LRRTM4: variants seen among roughly 807,000 people sequenced by gnomAD.
LRRTM4 encodes the protein leucine rich repeat transmembrane neuronal 4.
In LRRTM4, 25 loss-of-function variants were observed where a neutral mutation model predicts 47.6. The ratio of observed to expected loss-of-function variants is 0.53; its 90% confidence interval spans 0.38 to 0.73. The LOEUF (loss-of-function observed/expected upper bound fraction) is 0.73. Among genes scored for constraint, LRRTM4 ranks in the 30% least tolerant of loss-of-function variants. LRRTM4 has a pLI of 0.00. For synonymous variants in LRRTM4, 311 were observed against 269.5 expected, an observed-to-expected ratio of 1.15 and a Z score of -1.51; for missense variants, 638 against 713.4, an observed-to-expected ratio of 0.89 and a Z score of 1.20.
At chr2:76,930,734 A>G (rs1176703483) in intron 3 of LRRTM4, among the ~76,000 whole-genome samples, 1 of 152,208 alleles carries the variant, frequency 6.6e-6, no homozygotes, top group Non-Finnish European at 1.5e-5. Context: ...CTCACTAGAT[A>G]AAGTCATGTG....
intron 3 of LRRTM4, among the ~76,000 whole-genome samples, chr2:77,493,266 G>T (rs1360718499): frequency 6.6e-6 from 1 of 151,972 alleles, no homozygotes; most frequent in Non-Finnish European, 1.5e-5. Context: ...TATATTTAGG[G>T]AAGGATACAA....
intron 3 of LRRTM4, among the ~76,000 whole-genome samples, chr2:77,406,756 G>T (rs1369998392): frequency 6.6e-6 from 1 of 152,036 alleles, no homozygotes; most frequent in South Asian, 2.1e-4. Flanking sequence ...TGTGATGAGA[G>T]ATTACTTTCA....
Position 77,223,940 on chromosome 2 carries a change from C to T in LRRTM4, c.1551+294378G>A, listed in dbSNP as rs536062483. Among the ~76,000 whole-genome samples, 254 of 152,206 alleles carry T rather than the reference C, an allele frequency of 1.7e-3. 1 individual carries two copies. The highest frequency in any genetic ancestry group is 5.6e-3 in the African/African-American group (231 of 41,526). ...CAAAAGAACAAAGCTGGAGGCATCA[C>T]GCTACCTGACTTCAAACTATGCTAC... On this transcript the variant is annotated intron_variant, in intron 3 of 3. Transcript: ENST00000409884.
intron 3 of LRRTM4, among the ~76,000 whole-genome samples, chr2:77,343,217 T>C (rs1461635356): frequency 6.6e-6 from 1 of 151,940 alleles, no homozygotes; most frequent in Admixed American, 6.6e-5. Flanking sequence ...TAAAGATATT[T>C]TTTTCCGTAG....
At chr2:77,314,224 A>G (rs1340395846) in intron 3 of LRRTM4, among the ~76,000 whole-genome samples, 1 of 152,190 alleles carries the variant, frequency 6.6e-6, no homozygotes, top group Non-Finnish European at 1.5e-5. Flanking sequence ...CCATAATTAT[A>G]TAACTCTTCA....
chr2:76,769,779 A>C (rs1673613622), intron 3 of LRRTM4, among the ~76,000 whole-genome samples: 1 of 152,180 alleles, frequency 6.6e-6, no homozygotes, highest in African/African-American at 2.4e-5. Flanking sequence ...TGTTTCACGG[A>C]AATTATCTAC....
At chr2:77,513,160 C>CA (rs371398933) in intron 3 of LRRTM4, among the ~76,000 whole-genome samples, 180 of 152,226 alleles carry the variant, frequency 1.2e-3, no homozygotes, top group African/African-American at 4.1e-3. Context: ...TGTGCTCACA[C>CA]ATGTGTATGC....
intron 3 of LRRTM4, among the ~76,000 whole-genome samples, chr2:76,847,334 AATT>A (rs1424040347): frequency 3.3e-5 from 5 of 152,152 alleles, no homozygotes; most frequent in Admixed American, 3.3e-4. Context: ...CTGTAACAAT[AATT>A]ATGATTATAG....
At chr2:77,179,833 TTC>T (rs1673301742) in intron 3 of LRRTM4, among the ~76,000 whole-genome samples, 2 of 152,096 alleles carry the variant, frequency 1.3e-5, no homozygotes, top group Admixed American at 6.6e-5. Context: ...AGAAACTGAA[TTC>T]TTTAAATCGC....
chr2:77,252,417 C>A (rs1250434080), intron 3 of LRRTM4, among the ~76,000 whole-genome samples: 1 of 152,090 alleles, frequency 6.6e-6, no homozygotes, highest in African/African-American at 2.4e-5. Context: ...GAGCCATGCC[C>A]TAACCAACTT....
chr2:77,282,537 T>C (rs942598425), intron 3 of LRRTM4, among the ~76,000 whole-genome samples: 1 of 151,394 alleles, frequency 6.6e-6, no homozygotes, highest in African/African-American at 2.4e-5. Flanking sequence ...AAGAGCCAAA[T>C]CAATCCTAAG....
intron 3 of LRRTM4, among the ~76,000 whole-genome samples, chr2:77,030,450 A>G (rs896844573): frequency 6.6e-6 from 1 of 152,092 alleles, no homozygotes; most frequent in Non-Finnish European, 1.5e-5. Flanking sequence ...GAAAAAGTAA[A>G]CATTTATTGA....
intron 3 of LRRTM4, among the ~76,000 whole-genome samples, chr2:76,775,940 A>T (rs1573081099): frequency 8.4e-6 from 1 of 119,512 alleles, no homozygotes; most frequent in East Asian, 2.8e-4. Context: ...CCAGAGTGTG[A>T]TATTCCCCTT....
At chr2:77,267,232 G>C (rs905685843) in intron 3 of LRRTM4, among the ~76,000 whole-genome samples, 16 of 152,288 alleles carry the variant, frequency 1.1e-4, no homozygotes, top group African/African-American at 3.8e-4. Context: ...TACTAATCTA[G>C]AAAGGCCACT....
Position 76,763,876 on chromosome 2 carries a change from C to T in LRRTM4, c.1552-14960G>A, listed in dbSNP as rs572590822. 3.9e-5 allele frequency among the ~76,000 whole-genome samples: 6 copies of T among 152,238 alleles called. No individual in the cohort carries two copies. In the East Asian group the frequency reaches 1.2e-3, roughly 29 times the overall value. On this transcript the variant is annotated intron_variant, in intron 3 of 3. Coordinates refer to ENST00000409884, the MANE Select transcript of LRRTM4 (RefSeq NM_001134745.3). Reference sequence around the variant, plus strand: ...TTTAGAAACACCCCTTGCCTCTACCCACTAGATGTATTATATATATTCTTT... The same window carrying T: ...TTTAGAAACACCCCTTGCCTCTACCTACTAGATGTATTATATATATTCTTT...
chr2:77,470,391 C>CAGAG (rs1488905058), intron 3 of LRRTM4, among the ~76,000 whole-genome samples: 3 of 152,076 alleles, frequency 2.0e-5, no homozygotes, highest in African/African-American at 7.2e-5. Context: ...GACCAAATAA[C>CAGAG]ACAAAGCAAG....
intron 3 of LRRTM4, among the ~76,000 whole-genome samples, chr2:77,083,231 T>C (rs1304626730): frequency 6.6e-6 from 1 of 152,200 alleles, no homozygotes; most frequent in African/African-American, 2.4e-5. Context: ...GAGATATTGT[T>C]AATGTCTTCA....
intron 3 of LRRTM4, among the ~76,000 whole-genome samples, chr2:77,507,617 G>C (rs1235222470): frequency 1.3e-5 from 2 of 151,768 alleles, no homozygotes; most frequent in African/African-American, 4.8e-5. Context: ...TGACATCTAA[G>C]TAACATTTCT....
chr2:77,497,405 T>C (rs531485949), intron 3 of LRRTM4, among the ~76,000 whole-genome samples: 2 of 151,716 alleles, frequency 1.3e-5, no homozygotes, highest in East Asian at 3.9e-4. Context: ...GGATTGGAGA[T>C]ACTTTTTCTT....
Sources: allele counts gnomAD v4.1 joint callset (sites outside exome capture counted in the v4.1 genomes callset), GRCh38; gene constraint gnomAD v4.1.1; transcripts MANE v1.5; gene names NCBI Gene and HGNC (gene_info 2026-07-23, HGNC 2026-07-21).